The following C8orf34 variants were observed in gnomAD, a reference collection of about 807,000 sequenced individuals.
The protein encoded by C8orf34 is chromosome 8 open reading frame 34.
C8orf34 carries 65 observed loss-of-function variants against 68.3 expected under a neutral mutation model. The ratio of observed to expected loss-of-function variants is 0.95; its 90% confidence interval spans 0.78 to 1.17. C8orf34 has a LOEUF of 1.17. Ranked by LOEUF, C8orf34 falls within the 50% of genes most tolerant of loss-of-function variation. The pLI is 0.00. For synonymous variants in C8orf34, 244 were observed against 241.2 expected (o/e 1.01, Z -0.11); for missense variants, 664 against 655.4 (o/e 1.01, Z -0.14).
chr8:68,386,419 C>G (rs1808262386), intron 1 of C8orf34, among the ~76,000 whole-genome samples: 1 of 152,080 alleles, frequency 6.6e-6, no homozygotes, highest in African/African-American at 2.4e-5. Flanking sequence ...GGGAATAGCA[C>G]ATATATTTCA....
intron 3 of C8orf34, among the ~76,000 whole-genome samples, chr8:68,464,064 T>C (rs1203729098): frequency 1.3e-5 from 2 of 152,222 alleles, no homozygotes; most frequent in Admixed American, 6.5e-5. Context: ...GCCCAAAATC[T>C]CCTTAAGCTG....
intron 1 of C8orf34, among the ~76,000 whole-genome samples, chr8:68,381,207 G>A (rs1391915211): frequency 6.6e-6 from 1 of 152,114 alleles, no homozygotes; most frequent in African/African-American, 2.4e-5. Context: ...CTTTAAAAAG[G>A]GAAACCAGTA....
intron 10 of C8orf34, among the ~76,000 whole-genome samples, chr8:68,750,779 G>GAAT (rs1822682878): frequency 6.6e-6 from 1 of 152,120 alleles, no homozygotes; most frequent in African/African-American, 2.4e-5. Context: ...CATAGTTCCT[G>GAAT]AATTCAGTGT....
chr8:68,441,311 A>G lies in C8orf34; in HGVS notation c.475+1665A>G, dbSNP rs111337154. On this transcript the variant is annotated intron_variant, in intron 2 of 13. Transcript: ENST00000518698. ...TTGGCAGAACTAATTTTCTGCAGCTATATGGCTGAGGTCCCTATTTTCTGA... is the reference window on the plus strand; with the variant it reads ...TTGGCAGAACTAATTTTCTGCAGCTGTATGGCTGAGGTCCCTATTTTCTGA... Among the ~76,000 whole-genome samples the G allele has an allele frequency of 3.6e-3, 553 of 152,252 alleles. 4 individuals are homozygous for G. The highest frequency in any genetic ancestry group is 0.012 in the African/African-American group (508 of 41,552).
chr8:68,586,771 T>C (rs1343890022), intron 7 of C8orf34, among the ~76,000 whole-genome samples: 1 of 152,162 alleles, frequency 6.6e-6, no homozygotes, highest in African/African-American at 2.4e-5. Flanking sequence ...CTAAGGAGTT[T>C]CTCAAAACTT....
At chr8:68,679,390 A>G (rs182919059) in intron 8 of C8orf34, among the ~76,000 whole-genome samples, 73 of 152,280 alleles carry the variant, frequency 4.8e-4, no homozygotes, top group Admixed American at 9.8e-4. Flanking sequence ...GGTCTCTACA[A>G]TAAAAACTAT....
At chr8:68,815,816 C>G in intron 12 of C8orf34, 70 bp from the exon 13 acceptor site, 4 of 1,612,260 alleles carry the variant, frequency 2.5e-6, no homozygotes, top group Non-Finnish European at 3.4e-6. Context: ...GGCTAAAGCG[C>G]TAGGGAATGG....
chr8:68,595,587 G>A (rs1817525265), intron 7 of C8orf34, among the ~76,000 whole-genome samples: 1 of 151,858 alleles, frequency 6.6e-6, no homozygotes, highest in South Asian at 2.1e-4. Context: ...CCATTCTTTA[G>A]ATATTCCCCT....
At chr8:68,690,255 T>C (rs1820647514) in intron 8 of C8orf34, among the ~76,000 whole-genome samples, 1 of 151,936 alleles carries the variant, frequency 6.6e-6, no homozygotes, top group Admixed American at 6.6e-5. Context: ...ATTTGAAAAC[T>C]ATTGTAGGGG....
intron 7 of C8orf34, among the ~76,000 whole-genome samples, chr8:68,597,706 A>C (rs4620274): frequency 0.58 from 88,499 of 151,870 alleles, 25,974 homozygotes; most frequent in African/African-American, 0.61. Context: ...ACTGTAAGAG[A>C]AGTTTTTCTC....
At chr8:68,447,521 G>T (rs560578312) in intron 3 of C8orf34, 1 of 152,184 alleles carries the variant, frequency 6.6e-6, no homozygotes, top group African/African-American at 2.4e-5. Flanking sequence ...AAGAGAACTT[G>T]CAAGCTGTTC....
At chr8:68,571,185 C>T (rs548627327) in intron 7 of C8orf34, among the ~76,000 whole-genome samples, 2 of 152,284 alleles carry the variant, frequency 1.3e-5, no homozygotes, top group African/African-American at 2.4e-5. Context: ...GCCAGTGAGC[C>T]TTTCCCTCCA....
At chr8:68,739,080 T>C (rs565096643) in intron 10 of C8orf34, among the ~76,000 whole-genome samples, 1 of 152,032 alleles carries the variant, frequency 6.6e-6, no homozygotes, top group Non-Finnish European at 1.5e-5. Context: ...CAGCAGCACA[T>C]CAAAAAGCTT....
At chr8:68,452,659 A>G (rs1420517011) in intron 3 of C8orf34, among the ~76,000 whole-genome samples, 5 of 150,056 alleles carry the variant, frequency 3.3e-5, no homozygotes, top group Admixed American at 1.3e-4. Flanking sequence ...TATTCTGGCT[A>G]CTAGATCCTT....
intron 12 of C8orf34, among the ~76,000 whole-genome samples, chr8:68,797,647 G>A (rs73683728): frequency 0.01 from 1,553 of 152,264 alleles, 22 homozygotes; most frequent in African/African-American, 0.036. Context: ...TGGTACTGGG[G>A]TGTTAGAGTT....
chr8:68,609,150 G>C (rs2130549688), intron 7 of C8orf34, among the ~76,000 whole-genome samples: 1 of 150,936 alleles, frequency 6.6e-6, no homozygotes, highest in Admixed American at 6.6e-5. Flanking sequence ...CTCCAGCCTG[G>C]ATGACAGAGA....
intron 5 of C8orf34, among the ~76,000 whole-genome samples, chr8:68,510,045 C>T (rs1349072377): frequency 6.6e-6 from 1 of 152,150 alleles, no homozygotes; most frequent in Non-Finnish European, 1.5e-5. Context: ...GCCATGCTTA[C>T]CTGTGCTGTG....
intron 8 of C8orf34, among the ~76,000 whole-genome samples, chr8:68,651,623 T>G (rs1426509090): frequency 6.6e-6 from 1 of 152,220 alleles, no homozygotes; most frequent in Non-Finnish European, 1.5e-5. Context: ...AGCTGGAGGC[T>G]ATTATTTTAA....
intron 7 of C8orf34, among the ~76,000 whole-genome samples, chr8:68,594,762 C>T (rs1031355267): frequency 1.3e-5 from 2 of 152,040 alleles, no homozygotes; most frequent in Admixed American, 6.6e-5. Flanking sequence ...GACTTTTGAA[C>T]AGTGAACTTA....
Sources: allele counts gnomAD v4.1 joint callset (sites outside exome capture counted in the v4.1 genomes callset), GRCh38; gene constraint gnomAD v4.1.1; transcripts MANE v1.5; gene names NCBI Gene and HGNC (gene_info 2026-07-23, HGNC 2026-07-21).